The following RBFOX3 variants were observed in gnomAD, a reference collection of about 807,000 sequenced individuals.
The protein encoded by RBFOX3 is RNA binding fox-1 homolog 3, also known as RNA binding protein fox-1 homolog 3.
In RBFOX3, 17 loss-of-function variants were observed where a neutral mutation model predicts 48.7. The ratio of observed to expected loss-of-function variants is 0.35; its 90% CI spans 0.24 to 0.52. RBFOX3 has a LOEUF of 0.52. RBFOX3 is among the 20% of genes least tolerant of loss of function. The probability of loss-of-function intolerance (pLI) is 0.94; values close to 1 mark genes in which losing one functional copy is unlikely to be tolerated. For missense variants in RBFOX3, 382 were observed against 497.5 expected (o/e 0.77, Z 2.21); for synonymous variants, 212 against 209.5 (o/e 1.01, Z -0.10).
At chr17:79,634,640 A>C in the RBFOX3 span, among the ~76,000 whole-genome samples, 1 of 152,132 alleles carries the variant, frequency 6.6e-6, no homozygotes, top group African/African-American at 2.4e-5. Flanking sequence ...CTTCAGGGTA[A>C]TTGACCAACT....
intron 1 of RBFOX3, among the ~76,000 whole-genome samples, chr17:79,594,246 G>A (rs946640758): frequency 6.6e-5 from 10 of 152,198 alleles, no homozygotes; most frequent in East Asian, 5.8e-4. Flanking sequence ...GGAAACTTTC[G>A]AGACTGAGGG....
intron 1 of RBFOX3, among the ~76,000 whole-genome samples, chr17:79,537,761 C>T (rs2089058471): frequency 1.3e-5 from 2 of 152,214 alleles, no homozygotes; most frequent in Admixed American, 1.3e-4. Context: ...CCCATCTCCC[C>T]ACCTCAAATT....
At chr17:79,306,043 C>G (rs1479585139) in intron 3 of RBFOX3, among the ~76,000 whole-genome samples, 1 of 152,238 alleles carries the variant, frequency 6.6e-6, no homozygotes, top group African/African-American at 2.4e-5. Flanking sequence ...CTACAGTCTG[C>G]CTTTATGTCC....
chr17:79,491,677 A>G (rs2080684789), intron 1 of RBFOX3, among the ~76,000 whole-genome samples: 1 of 152,226 alleles, frequency 6.6e-6, no homozygotes, highest in South Asian at 2.1e-4. Context: ...TTGGGAGACC[A>G]GGACATCAGG....
intron 2 of RBFOX3, among the ~76,000 whole-genome samples, chr17:79,410,547 A>C (rs1006214449): frequency 6.6e-6 from 1 of 152,214 alleles, no homozygotes; most frequent in Non-Finnish European, 1.5e-5. Flanking sequence ...TGGTCGCAGA[A>C]CAGGAAGCCA....
rs1437106396 is a variant in RBFOX3 at position 79,443,923 on chromosome 17, A to G, written c.-175+38531T>C. ...CAGGGTACCCGTGACTTACTGGGCT[A>G]TCCCGAGTGCCGTGACACTTCATCT... On this transcript the variant is annotated intron_variant, in intron 2 of 14. Transcript: ENST00000693108. This position sits in a 1 kb window ranked among gnomAD's most constrained non-coding sequence, Gnocchi z 4.4. 6.6e-6 allele frequency among the ~76,000 whole-genome samples: 1 copy of G among 152,176 alleles called. No individual in the cohort carries two copies. The highest frequency in any genetic ancestry group is 6.5e-5 in the Admixed American group (1 of 15,286).
At chr17:79,312,309 G>A (rs1299896018) in intron 2 of RBFOX3, among the ~76,000 whole-genome samples, 1 of 151,052 alleles carries the variant, frequency 6.6e-6, no homozygotes, top group African/African-American at 2.4e-5. Flanking sequence ...AGAGGGCGAA[G>A]GGAGATTCTC....
intron 4 of RBFOX3, among the ~76,000 whole-genome samples, chr17:79,203,731 G>A (rs2057118910): frequency 1.3e-5 from 2 of 152,162 alleles, no homozygotes; most frequent in South Asian, 4.2e-4. Flanking sequence ...TGTCAACACA[G>A]GGCCCCTGGC....
chr17:79,546,924 C>A (rs1220734245), intron 1 of RBFOX3, among the ~76,000 whole-genome samples: 4 of 152,008 alleles, frequency 2.6e-5, no homozygotes, highest in African/African-American at 7.2e-5. Context: ...CCCGCCTCAG[C>A]CTCCCAAAGT....
intron 2 of RBFOX3, among the ~76,000 whole-genome samples, chr17:79,370,929 C>T (rs1006044882): frequency 6.6e-6 from 1 of 152,354 alleles, no homozygotes; most frequent in African/African-American, 2.4e-5. Context: ...CATGTGGGGC[C>T]AAGCCAAGAA....
intron 1 of RBFOX3, among the ~76,000 whole-genome samples, chr17:79,568,101 G>C (rs988523105): frequency 5.3e-5 from 8 of 152,078 alleles, no homozygotes; most frequent in African/African-American, 1.9e-4. Context: ...TAGCCTGCTG[G>C]AAGGAGTGCG....
At chr17:79,580,675 G>A (rs1457074799) in intron 1 of RBFOX3, among the ~76,000 whole-genome samples, 2 of 152,108 alleles carry the variant, frequency 1.3e-5, no homozygotes, top group African/African-American at 4.8e-5. Flanking sequence ...CCTATCATGG[G>A]TCCGTCTTGC....
intron 2 of RBFOX3, among the ~76,000 whole-genome samples, chr17:79,338,481 C>T (rs1171076039): frequency 2.0e-5 from 3 of 152,044 alleles, no homozygotes; most frequent in Admixed American, 6.5e-5. Flanking sequence ...GGGAAGAGTC[C>T]CTGTGAAACA....
intron 1 of RBFOX3, among the ~76,000 whole-genome samples, chr17:79,487,632 G>A (rs1266927531): frequency 6.6e-6 from 1 of 152,102 alleles, no homozygotes; most frequent in Admixed American, 6.5e-5. Context: ...GAGTGGCATG[G>A]AGCTGGGTAA....
chr17:79,423,560 C>G lies in RBFOX3; in HGVS notation c.-175+58894G>C, dbSNP rs146982484. 6.5e-6 allele frequency: 1 copy of G among 152,818 alleles called. No homozygotes were observed. The highest frequency in any genetic ancestry group is 1.5e-5 in the Non-Finnish European group (1 of 68,056). 9.5% of individuals were successfully genotyped at this position (152,818 alleles called of 1,614,324 possible). A position where few individuals can be genotyped will look rare whatever the true frequency, so the allele number is the denominator to read the frequency against. On this transcript the variant is annotated intron_variant, in intron 2 of 14. Coordinates refer to ENST00000693108, the MANE Select transcript of RBFOX3 (RefSeq NM_001350451.2). This position sits in a 1 kb window ranked among gnomAD's most constrained non-coding sequence, Gnocchi z 4.9. ...GGGTTCTCCGCTATCTCCCACACATCGTTCTCAAACGCCGCCACCTCTCCA... is the reference window on the plus strand; with the variant it reads ...GGGTTCTCCGCTATCTCCCACACATGGTTCTCAAACGCCGCCACCTCTCCA...
intron 4 of RBFOX3, among the ~76,000 whole-genome samples, chr17:79,156,686 C>A (rs534914019): frequency 1.3e-5 from 2 of 152,228 alleles, no homozygotes; most frequent in Non-Finnish European, 2.9e-5. Context: ...CTCGCCCTAC[C>A]GCATCACTGA....
chr17:79,546,694 C>T (rs1442229385), intron 1 of RBFOX3, among the ~76,000 whole-genome samples: 31 of 139,484 alleles, frequency 2.2e-4, no homozygotes, highest in African/African-American at 5.9e-4. Flanking sequence ...TTTTGAGACA[C>T]GGTCTCACCC....
intron 3 of RBFOX3, among the ~76,000 whole-genome samples, chr17:79,277,773 A>G (rs1228570936): frequency 6.6e-6 from 1 of 152,202 alleles, no homozygotes; most frequent in Admixed American, 6.5e-5. Flanking sequence ...TGCAAGGGGA[A>G]GCAGAGGATG....
At chr17:79,153,809 A>T (rs547252636) in intron 4 of RBFOX3, among the ~76,000 whole-genome samples, 7 of 151,980 alleles carry the variant, frequency 4.6e-5, no homozygotes, top group Non-Finnish European at 8.8e-5. Flanking sequence ...ATGGATGTTG[A>T]TATTTGGCAC....
Sources: gnomAD v4.1 joint callset for allele counts (sites outside exome capture counted in the v4.1 genomes callset) on GRCh38, gnomAD v4.1.1 for gene constraint, Gnocchi (gnomAD v3.1) non-coding constraint, MANE v1.5 for transcripts, NCBI Gene and HGNC (gene_info 2026-07-23, HGNC 2026-07-21) for gene names.